The following BMX variants were observed in gnomAD, a reference collection of about 807,000 sequenced individuals.
BMX encodes the protein BMX non-receptor tyrosine kinase.
Under a neutral mutation model 59.2 loss-of-function variants are expected in BMX, and 31 were observed. The observed-to-expected ratio is 0.52, with a 90% confidence interval of 0.39 to 0.71. BMX has a LOEUF of 0.71. Ranked by LOEUF, BMX falls within the 30% of genes least tolerant of loss-of-function variation. The probability of loss-of-function intolerance (pLI) is 0.00; values close to 1 mark genes in which losing one functional copy is unlikely to be tolerated. For missense variants in BMX, 474 were observed against 491.7 expected (o/e 0.96, Z 0.34); for synonymous variants, 185 against 181.0 (o/e 1.02, Z -0.18).
chrX:15,546,615 T>C (rs1442191213), intron 16 of BMX, among the ~76,000 whole-genome samples, 188 bp from the exon 17 acceptor site: 2 of 111,762 alleles, frequency 1.8e-5, no homozygotes, highest in African/African-American at 6.5e-5. Flanking sequence ...TTTTGCTGTA[T>C]TCAGTTAGAT....
intron 5 of BMX, among the ~76,000 whole-genome samples, chrX:15,516,825 G>T (rs1386494416): frequency 9.0e-6 from 1 of 111,426 alleles, no homozygotes; most frequent in African/African-American, 3.3e-5. Context: ...GCTGCTTTAC[G>T]TGAAATCAGA....
Position 15,537,223 on chromosome X carries a change from G to A in BMX, c.1312G>A (p.Gly438Arg). The change falls in exon 14 of 19, where the codon GGG becomes AGG. Residue 438 changes from glycine to arginine, a missense_variant. Transcript: ENST00000348343. ...FGVVQLGKWK[G>R]QYDVAVKMIK... is the part of the protein sequence containing the mutation. Reference sequence around the variant, plus strand: ...AGTGGTCCAGCTGGGCAAGTGGAAGGGGCAGTATGATGTTGCTGTTAAGAT... The same window carrying A: ...AGTGGTCCAGCTGGGCAAGTGGAAGAGGCAGTATGATGTTGCTGTTAAGAT... 8.3e-7 allele frequency: 1 copy of A among 1,210,451 alleles called. No individual in the cohort carries two copies. Among genetic ancestry groups the A allele is most frequent in the Non-Finnish European group, 1.1e-6 (1 of 895,004 alleles).
At chrX:15,548,914 G>A (rs1189827749) in intron 17 of BMX, among the ~76,000 whole-genome samples, 1 of 112,190 alleles carries the variant, frequency 8.9e-6, no homozygotes, top group Non-Finnish European at 1.9e-5. Flanking sequence ...CAGCACAACT[G>A]CCACCATTTA....
chrX:15,541,995 C>G lies in BMX; in HGVS notation c.1408C>G (p.Pro470Ala), dbSNP rs542606045. Residue 470 changes from proline (P) to alanine (A), a missense_variant, in exon 15 of 19, where the codon CCC (proline) becomes GCC (alanine). Coordinates refer to ENST00000348343, the MANE Select transcript of BMX (RefSeq NM_203281.3). ...EAQTMMKLSH[P>A]KLVKFYGVCS... is the part of the protein sequence containing the mutation. ...TGTTATTTCCAGGAAACTCAGCCAT[C>G]CCAAGCTGGTTAAATTCTATGGAGT... The G allele has an allele frequency of 8.9e-5, 107 of 1,207,676 alleles. 1 individual carries two copies. The South Asian group carries it at 1.7e-3, about 19-fold the overall frequency.
chrX:15,552,708 G>A (rs1198143769), intron 18 of BMX, among the ~76,000 whole-genome samples: 1 of 112,211 alleles, frequency 8.9e-6, no homozygotes, highest in Admixed American at 9.5e-5. Flanking sequence ...AAACTGGTAG[G>A]AGCTATGGTT....
chrX:15,546,031 C>T (rs1925931028), intron 16 of BMX, among the ~76,000 whole-genome samples: 1 of 112,280 alleles, frequency 8.9e-6, no homozygotes, highest in African/African-American at 3.2e-5. Flanking sequence ...CCATGAGCAC[C>T]TTTTTATTTT....
rs548973457 is a variant in BMX at position 15,528,781 on chromosome X, G to C, written c.885-1192G>C. Among the ~76,000 whole-genome samples, 4 of 112,274 alleles carry C rather than the reference G, an allele frequency of 3.6e-5. No homozygotes were observed. The South Asian group carries it at 1.5e-3, about 42-fold the overall frequency. On this transcript the variant is annotated intron_variant, in intron 9 of 18. Coordinates refer to ENST00000348343, the MANE Select transcript of BMX (RefSeq NM_203281.3). ...CAAAATTATGACACAGGCAACGTTT[G>C]TATGTGTGTGGGAGGTATAATGTAT... is the stretch of plus-strand genomic sequence containing the variant.
chrX:15,549,565 T>C (rs1335226016), intron 17 of BMX, among the ~76,000 whole-genome samples: 2 of 111,355 alleles, frequency 1.8e-5, no homozygotes, highest in African/African-American at 6.5e-5. Context: ...CCCAAGAGGT[T>C]CCTCTGTGGC....
chrX:15,503,011 T>G (rs1283754235), intron 1 of BMX, among the ~76,000 whole-genome samples: 1 of 111,738 alleles, frequency 8.9e-6, no homozygotes, highest in South Asian at 3.8e-4. Context: ...CTATATGGCA[T>G]GTAAAGTAAG....
At chrX:15,542,734 G>A (rs1326031517) in intron 15 of BMX, among the ~76,000 whole-genome samples, 1 of 111,741 alleles carries the variant, frequency 8.9e-6, no homozygotes, top group African/African-American at 3.3e-5. Context: ...CAGCGTTTAT[G>A]CCTTCAAAGC....
At chrX:15,522,264 G>T in intron 6 of BMX, 82 bp from the exon 7 acceptor site, 3 of 967,181 alleles carry the variant, frequency 3.1e-6, no homozygotes, top group Non-Finnish European at 4.2e-6. Flanking sequence ...TCTCTTTCAA[G>T]AGCTGATATA....
rs748126907 is a variant in BMX, at chrX:15,550,333, T to C, written c.1953+336T>C. Reference sequence around the variant, plus strand: ...GTTAAGTGACTTGTCCAAGGTCACATAGCTAGTAAGAAGTAGACTAGCTAG... The same window carrying C: ...GTTAAGTGACTTGTCCAAGGTCACACAGCTAGTAAGAAGTAGACTAGCTAG... On this transcript the variant is annotated intron_variant, in intron 18 of 18. Coordinates refer to ENST00000348343, the MANE Select transcript of BMX (RefSeq NM_203281.3). Among the ~76,000 whole-genome samples the C allele has an allele frequency of 8.1e-5, 9 of 111,377 alleles. No homozygotes were observed. In the East Asian group the frequency reaches 2.3e-3, roughly 28 times the overall value.
chrX:15,500,817 G>C lies in BMX; in HGVS notation c.-133G>C. On this transcript the variant is annotated 5_prime_UTR_variant, in exon 1 of 19. Transcript: ENST00000348343. ...GGCACTGAGTAATGTAGCCATTTCT[G>C]ACCCGGCAGCCAGGAAAATGTGAAA... 1 of 754,007 alleles carries C rather than the reference G, an allele frequency of 1.3e-6. No homozygotes were observed. Among genetic ancestry groups the C allele is most frequent in the South Asian group, 6.8e-5 (1 of 14,809 alleles). 62.1% of individuals were successfully genotyped at this position (754,007 alleles called of 1,213,427 possible). A position where few individuals can be genotyped will look rare whatever the true frequency, so the allele number is the denominator to read the frequency against.
At chrX:15,547,506 T>G (rs1926000130) in intron 17 of BMX, among the ~76,000 whole-genome samples, 1 of 112,142 alleles carries the variant, frequency 8.9e-6, no homozygotes, top group Admixed American at 9.4e-5. Flanking sequence ...AAAATTTATA[T>G]TTTAGATTGG....
chrX:15,551,517 G>T (rs1275694553), intron 18 of BMX, among the ~76,000 whole-genome samples: 11 of 60,095 alleles, frequency 1.8e-4, no homozygotes, highest in African/African-American at 6.6e-4. Flanking sequence ...TATTAATATT[G>T]TGTGTGTGTG....
At chrX:15,508,937 G>T (rs1008807454) in intron 2 of BMX, among the ~76,000 whole-genome samples, 1 of 111,949 alleles carries the variant, frequency 8.9e-6, no homozygotes, top group Non-Finnish European at 1.9e-5. Context: ...TTAAAACAAT[G>T]CTAGAAATAA....
At chrX:15,525,035 T>C (rs1924644155) in intron 7 of BMX, among the ~76,000 whole-genome samples, 1 of 111,877 alleles carries the variant, frequency 8.9e-6, no homozygotes, top group Admixed American at 9.5e-5. Flanking sequence ...TTTCCATTGT[T>C]TAAGATAATT....
chrX:15,533,068 GC>G (rs915504014), intron 11 of BMX, among the ~76,000 whole-genome samples: 2 of 112,493 alleles, frequency 1.8e-5, no homozygotes. Context: ...CTCATCAATG[GC>G]CTTGAGTGAA....
chrX:15,518,137 T>C (rs1269402502), intron 6 of BMX, 144 bp downstream of exon 6: 1 of 427,315 alleles, frequency 2.3e-6, no homozygotes, highest in Non-Finnish European at 3.9e-6. Context: ...ATAATAGCTA[T>C]GGGTGGTATT....
Sources: allele counts gnomAD v4.1 joint callset (sites outside exome capture counted in the v4.1 genomes callset), GRCh38; gene constraint gnomAD v4.1.1; transcripts MANE v1.5; gene names NCBI Gene and HGNC (gene_info 2026-07-23, HGNC 2026-07-21).